GPR158: variants seen among roughly 807,000 people sequenced by gnomAD.
GPR158 encodes G protein-coupled receptor 158, also known as metabotropic glycine receptor.
In GPR158, 30 loss-of-function variants were observed where a neutral mutation model predicts 78.2. That is an observed-to-expected ratio of 0.38 (90% confidence interval 0.29 to 0.52). The LOEUF (loss-of-function observed/expected upper bound fraction) is 0.52. GPR158 is among the 20% of genes least tolerant of loss of function. The pLI, the probability that GPR158 is intolerant of heterozygous loss-of-function variation, is 0.83. For synonymous variants in GPR158, 581 were observed against 591.1 expected, an observed-to-expected ratio of 0.98 and a Z score of 0.25; for missense variants, 1,463 against 1,523.5, an observed-to-expected ratio of 0.96 and a Z score of 0.66.
intron 1 of GPR158, among the ~76,000 whole-genome samples, chr10:25,198,995 C>T (rs1168354260): frequency 6.6e-6 from 1 of 150,948 alleles, no homozygotes; most frequent in Non-Finnish European, 1.5e-5. Context: ...TAAAATATTT[C>T]TAATCAGGTT....
At chr10:25,235,693 A>AT (rs930396368) in intron 2 of GPR158, among the ~76,000 whole-genome samples, 17,377 of 113,766 alleles carry the variant, frequency 0.15, 1,861 homozygotes, top group South Asian at 0.24. Flanking sequence ...TTGCACAGTA[A>AT]TTTTTTTTTT....
At chr10:25,493,867 CA>C (rs2130650362) in intron 5 of GPR158, among the ~76,000 whole-genome samples, 1 of 152,260 alleles carries the variant, frequency 6.6e-6, no homozygotes, top group African/African-American at 2.4e-5. Flanking sequence ...GCTTTATTTA[CA>C]AAAAGTAGTT....
At chr10:25,400,851 C>T (rs1048949806) in intron 3 of GPR158, among the ~76,000 whole-genome samples, 1 of 152,118 alleles carries the variant, frequency 6.6e-6, no homozygotes, top group Non-Finnish European at 1.5e-5. Flanking sequence ...TGACCCATAT[C>T]CAGAAATGAC....
intron 1 of GPR158, among the ~76,000 whole-genome samples, chr10:25,215,594 G>A (rs1251711344): frequency 8.5e-5 from 13 of 152,188 alleles, no homozygotes; most frequent in Admixed American, 8.5e-4. Flanking sequence ...TAGCACTTTG[G>A]GAGGCTGAGG....
chr10:25,446,100 A>G (rs1172515303), intron 4 of GPR158, among the ~76,000 whole-genome samples: 1 of 152,092 alleles, frequency 6.6e-6, no homozygotes, highest in Non-Finnish European at 1.5e-5. Context: ...ACCAGGGAAA[A>G]TTTCAGCTAA....
chr10:25,251,674 G>A (rs1053141413), intron 2 of GPR158, among the ~76,000 whole-genome samples: 51 of 151,414 alleles, frequency 3.4e-4, no homozygotes, highest in African/African-American at 6.1e-4. Flanking sequence ...GGTTTCTGCC[G>A]AGAGATCTGC....
chr10:25,292,412 G>A (rs1854452055), intron 2 of GPR158, among the ~76,000 whole-genome samples: 1 of 152,020 alleles, frequency 6.6e-6, no homozygotes, highest in East Asian at 1.9e-4. Flanking sequence ...TACTTTGAAT[G>A]GATACTTTTT....
chr10:25,194,463 C>T (rs1180212467), intron 1 of GPR158, among the ~76,000 whole-genome samples: 10 of 152,092 alleles, frequency 6.6e-5, no homozygotes, highest in Admixed American at 6.6e-4. Context: ...TGCTTCAGCC[C>T]AGGAAGCGGA....
intron 2 of GPR158, among the ~76,000 whole-genome samples, chr10:25,346,072 A>C (rs1855367460): frequency 6.6e-6 from 1 of 151,970 alleles, no homozygotes; most frequent in Admixed American, 6.6e-5. Context: ...TGAGCCACTG[A>C]TCTAAGTCAC....
intron 5 of GPR158, 105 bp from the exon 6 acceptor site, chr10:25,550,871 G>A (rs1836717142): frequency 1.4e-6 from 1 of 715,238 alleles, no homozygotes; most frequent in Non-Finnish European, 2.6e-6. Flanking sequence ...TCAGATGAGT[G>A]TATATCAAAA....
intron 2 of GPR158, among the ~76,000 whole-genome samples, chr10:25,282,808 T>G (rs529693171): frequency 6.6e-6 from 1 of 152,292 alleles, no homozygotes; most frequent in Admixed American, 6.5e-5. Flanking sequence ...TGTGTGCTCA[T>G]TTTTCAATTG....
At chr10:25,360,123 G>T (rs970620459) in intron 2 of GPR158, among the ~76,000 whole-genome samples, 6 of 151,556 alleles carry the variant, frequency 4.0e-5, no homozygotes, top group African/African-American at 1.5e-4. Context: ...TTATAAGTTT[G>T]TTTAAGTTCT....
intron 5 of GPR158, among the ~76,000 whole-genome samples, chr10:25,469,248 A>G (rs1036612101): frequency 1.3e-5 from 2 of 152,110 alleles, no homozygotes; most frequent in African/African-American, 4.8e-5. Flanking sequence ...TGCTGAATTT[A>G]TATCTCCAGC....
chr10:25,275,439 C>A (rs1012175709), intron 2 of GPR158, among the ~76,000 whole-genome samples: 16 of 152,268 alleles, frequency 1.1e-4, no homozygotes, highest in African/African-American at 3.1e-4. Context: ...TTGTTCTCTC[C>A]GTTAGCCCCT....
chr10:25,488,908 TA>T (rs1394504273), intron 5 of GPR158, among the ~76,000 whole-genome samples: 1 of 152,138 alleles, frequency 6.6e-6, no homozygotes, highest in East Asian at 1.9e-4. Context: ...GTAGGCACAC[TA>T]AGTATAGTGT....
At chr10:25,515,928 C>A (rs1034069029) in intron 5 of GPR158, among the ~76,000 whole-genome samples, 3 of 151,446 alleles carry the variant, frequency 2.0e-5, no homozygotes, top group African/African-American at 7.3e-5. Flanking sequence ...AGTTCTAGAT[C>A]CCTGAGGAAT....
At chr10:25,302,694 C>T (rs1055924512) in intron 2 of GPR158, among the ~76,000 whole-genome samples, 26 of 152,190 alleles carry the variant, frequency 1.7e-4, no homozygotes, top group African/African-American at 5.3e-4. Flanking sequence ...TTTTAGCTTG[C>T]GAGCCATACA....
chr10:25,442,348 G>A (rs547267498), intron 4 of GPR158, among the ~76,000 whole-genome samples: 1 of 152,194 alleles, frequency 6.6e-6, no homozygotes, highest in African/African-American at 2.4e-5. Context: ...AGATAAATAT[G>A]GGAAATAAGC....
chr10:25,263,915 C>G (rs183091523), intron 2 of GPR158, among the ~76,000 whole-genome samples: 1 of 152,216 alleles, frequency 6.6e-6, no homozygotes, highest in Admixed American at 6.5e-5. Context: ...CCAGCCTCAG[C>G]GACAGAGTGA....
Sources: gnomAD v4.1 joint callset for allele counts (sites outside exome capture counted in the v4.1 genomes callset) on GRCh38, gnomAD v4.1.1 for gene constraint, MANE v1.5 for transcripts, NCBI Gene and HGNC (gene_info 2026-07-23, HGNC 2026-07-21) for gene names.